The following CPSF4L variants were observed in gnomAD, a reference collection of about 807,000 sequenced individuals.
CPSF4L encodes cleavage and polyadenylation specific factor 4 like.
Under a neutral mutation model 24.0 loss-of-function variants are expected in CPSF4L, and 18 were observed. The ratio of observed to expected loss-of-function variants is 0.75; its 90% CI spans 0.52 to 1.11. CPSF4L has a LOEUF of 1.11. Ranked by LOEUF, CPSF4L falls within the 50% of genes least tolerant of loss-of-function variation. The pLI, the probability that CPSF4L is intolerant of heterozygous loss-of-function variation, is 0.00. For synonymous variants in CPSF4L, 72 were observed against 77.2 expected (o/e 0.93, Z 0.35); for missense variants, 211 against 221.8 (o/e 0.95, Z 0.31).
intron 5 of CPSF4L, 112 bp from the exon 6 acceptor site, chr17:73,248,648 G>T: frequency 1.8e-6 from 2 of 1,088,180 alleles, no homozygotes; most frequent in Non-Finnish European, 2.7e-6. Flanking sequence ...GTCCATGCTT[G>T]AGAGGACGTA....
rs369850545 is a variant in CPSF4L at position 73,261,802 on chromosome 17, G to T, written c.17C>A (p.Ala6Glu). The change falls in exon 1 of 6, where the codon GCG becomes GAG. Residue 6 changes from alanine to glutamate, a missense_variant. Ala to Glu is a moderately radical substitution (Grantham distance 107). Transcript: ENST00000344935. MQEVI[A>E]GLERFTFAFE... ...GGCAAAGGTGAACCGCTCTAGCCCC[G>T]CAATGACCTCTTGCATCTTCCGTCT... 3.2e-6 allele frequency: 5 copies of T among 1,551,518 alleles called. No individual in the cohort carries two copies. In the Admixed American group the frequency reaches 5.9e-5, roughly 18 times the overall value.
chr17:73,252,817 A>C, intron 4 of CPSF4L, 94 bp from the exon 5 acceptor site: 1 of 753,420 alleles, frequency 1.3e-6, no homozygotes, highest in Non-Finnish European at 2.2e-6. Context: ...GTGGATGGTC[A>C]TAGGGGCTTC....
downstream of CPSF4L, chr17:73,245,302 G>T: frequency 6.9e-7 from 1 of 1,440,802 alleles, no homozygotes; most frequent in Non-Finnish European, 9.2e-7. Context: ...ACAGGGAGAG[G>T]GGAGTGAAAA....
downstream of CPSF4L, chr17:73,247,140 G>T (rs2061961675): frequency 1.0e-6 from 1 of 972,024 alleles, no homozygotes; most frequent in Non-Finnish European, 1.6e-6. Context: ...TGGTTAGGTG[G>T]CATCCATGGC....
rs1218763093 is a variant in CPSF4L, at chr17:73,254,021, A to G, written c.313T>C (p.Cys105Arg). The change falls in exon 4 of 6, where the codon TGC (cysteine) becomes CGC (arginine). Residue 105 changes from cysteine (C) to arginine (R), a missense_variant. Transcript: ENST00000344935. ...ECYFYSKFGD[C>R]SNKECSFLHV... ...AGGAAGGAACACTCCTTGTTGCTGCAGTCACCTGAAAATCCCAGCACTCTC... is the reference window on the plus strand; with the variant it reads ...AGGAAGGAACACTCCTTGTTGCTGCGGTCACCTGAAAATCCCAGCACTCTC... 3 of 1,551,234 alleles carry G rather than the reference A, an allele frequency of 1.9e-6. No homozygotes were observed. Among genetic ancestry groups the G allele is most frequent in the Non-Finnish European group, 2.6e-6 (3 of 1,146,670 alleles).
At chr17:73,244,007 T>G (rs1036713061), downstream of CPSF4L, among the ~76,000 whole-genome samples, 6 of 152,218 alleles carry the variant, frequency 3.9e-5, no homozygotes, top group East Asian at 9.6e-4. Context: ...CACTTACCAA[T>G]GTGTCTAAGT....
chr17:73,245,057 C>CT, downstream of CPSF4L: 2 of 998,614 alleles, frequency 2.0e-6, no homozygotes, highest in Non-Finnish European at 3.0e-6. Context: ...GCTTAATACT[C>CT]TATTTCTAAA....
downstream of CPSF4L, chr17:73,247,612 T>C: frequency 2.8e-6 from 1 of 351,134 alleles, no homozygotes; most frequent in South Asian, 3.5e-5. Context: ...TTAATGAGAA[T>C]AGAACTATTT....
downstream of CPSF4L, chr17:73,245,167 G>A (rs200209525): frequency 5.6e-6 from 9 of 1,613,600 alleles, no homozygotes; most frequent in Non-Finnish European, 6.8e-6. Context: ...TTTATCCAAA[G>A]AGCTGCAGCG....
chr17:73,261,790 C>G lies in CPSF4L; in HGVS notation c.29G>C (p.Arg10Pro). The change falls in exon 1 of 6, where the codon CGG becomes CCG. Residue 10 changes from arginine to proline, a missense_variant. By Grantham distance (103) the Arg-to-Pro change is moderately radical. Coordinates refer to ENST00000344935, the MANE Select transcript of CPSF4L (RefSeq NM_001129885.1). MQEVIAGLE[R>P]FTFAFEKDVE... The stretch of plus-strand genomic sequence containing the variant: ...ATCCTTCTCGAAGGCAAAGGTGAAC[C>G]GCTCTAGCCCCGCAATGACCTCTTG... The G allele has an allele frequency of 6.4e-7, 1 of 1,551,762 alleles. No homozygotes were observed. The highest frequency in any genetic ancestry group is 8.7e-7 in the Non-Finnish European group (1 of 1,146,976).
At chr17:73,245,408 G>A (rs2061936738), downstream of CPSF4L, 2 of 1,212,440 alleles carry the variant, frequency 1.6e-6, no homozygotes, top group African/African-American at 1.6e-5. Context: ...GATGTTCTTG[G>A]CTTGCTCTCA....
intron 3 of CPSF4L, 49 bp from the exon 4 acceptor site, chr17:73,254,075 T>G (rs564211204): frequency 1.1e-5 from 15 of 1,374,660 alleles, no homozygotes; most frequent in South Asian, 6.2e-5. Flanking sequence ...TTGTGATCAC[T>G]TCTGTGTCCC....
intron 4 of CPSF4L, 135 bp downstream of exon 4, chr17:73,253,796 G>A (rs2062014336): frequency 3.4e-6 from 2 of 588,586 alleles, no homozygotes. Flanking sequence ...CAGAGCTGGA[G>A]GAGAACTACA....
chr17:73,248,515 C>G lies in CPSF4L; in HGVS notation c.519G>C (p.Leu173=). The G allele has an allele frequency of 6.4e-7, 1 of 1,551,688 alleles. No individual in the cohort carries two copies. Among genetic ancestry groups the G allele is most frequent in the East Asian group, 2.4e-5 (1 of 40,928 alleles). The stretch of plus-strand genomic sequence containing the variant: ...ACGCTTAGATCTTGCTTCCAGGCAG[C>G]AGCTTGAATTCCCGAATCTTCCTGC... ...QFAQKIREFK[L]LPGSKI is the part of the protein sequence containing the mutation. The change falls in exon 6 of 6, where the codon CTG becomes CTC. Residue 173 remains leucine (L), a synonymous_variant. Coordinates refer to ENST00000344935, the MANE Select transcript of CPSF4L (RefSeq NM_001129885.1).
the CPSF4L span, chr17:73,242,332 C>T: frequency 1.3e-6 from 2 of 1,595,270 alleles, no homozygotes; most frequent in Non-Finnish European, 1.7e-6. Context: ...TAATGAGGCT[C>T]TTGGGAGCTG....
chr17:73,262,319 G>C (rs1467190259), upstream of CPSF4L: 1 of 154,066 alleles, frequency 6.5e-6, no homozygotes, highest in Non-Finnish European at 1.4e-5. Context: ...CTTCCCATGA[G>C]GGAAGGGGTC....
chr17:73,259,354 T>A (rs8068038), intron 2 of CPSF4L, among the ~76,000 whole-genome samples: 1,758 of 150,164 alleles, frequency 0.012, 27 homozygotes, highest in South Asian at 0.056. Context: ...TTTCCTTTTT[T>A]AAAAAAAAAA....
downstream of CPSF4L, chr17:73,244,605 T>A (rs2061915891): frequency 2.2e-5 from 3 of 136,078 alleles, no homozygotes. Context: ...TTTGTACAAT[T>A]AAAACAAAAA....
At chr17:73,260,366 C>T (rs181970443) in intron 2 of CPSF4L, among the ~76,000 whole-genome samples, 43 of 152,278 alleles carry the variant, frequency 2.8e-4, no homozygotes, top group African/African-American at 8.7e-4. Context: ...TACCCTGATG[C>T]GAACTGCAAA....
Sources: gnomAD v4.1 joint callset for allele counts (sites outside exome capture counted in the v4.1 genomes callset) on GRCh38, gnomAD v4.1.1 for gene constraint, MANE v1.5 for transcripts, NCBI Gene and HGNC (gene_info 2026-07-23, HGNC 2026-07-21) for gene names.